The following ADAMTS16 variants were observed in gnomAD, a reference collection of about 807,000 sequenced individuals.
The protein encoded by ADAMTS16 is A disintegrin and metalloproteinase with thrombospondin motifs 16.
A neutral mutation model predicts 145.8 loss-of-function variants in ADAMTS16; 94 were observed. The ratio of observed to expected loss-of-function variants is 0.64; its 90% CI spans 0.55 to 0.77. The LOEUF (loss-of-function observed/expected upper bound fraction) is 0.77. ADAMTS16 is among the 30% of genes least tolerant of loss of function. ADAMTS16 has a pLI of 0.00. For missense variants in ADAMTS16, 1,585 were observed against 1,591.5 expected, an observed-to-expected ratio of 1.00 and a Z score of 0.07; for synonymous variants, 659 against 604.3, an observed-to-expected ratio of 1.09 and a Z score of -1.33.
chr5:5,212,813 C>T (rs1736314872), intron 10 of ADAMTS16, among the ~76,000 whole-genome samples: 1 of 152,168 alleles, frequency 6.6e-6, no homozygotes, highest in South Asian at 2.1e-4. Context: ...TTTCAATCTA[C>T]TGTTTTACTA....
intron 3 of ADAMTS16, among the ~76,000 whole-genome samples, chr5:5,152,169 G>T (rs952469654): frequency 6.6e-5 from 10 of 152,326 alleles, no homozygotes; most frequent in Middle Eastern, 3.4e-3. Context: ...TCAGGCCCTG[G>T]AGGCAAGCTC....
intron 17 of ADAMTS16, among the ~76,000 whole-genome samples, chr5:5,255,387 G>GA (rs1229841264): frequency 1.3e-5 from 2 of 152,244 alleles, no homozygotes; most frequent in Non-Finnish European, 2.9e-5. Context: ...TAGAGAGATT[G>GA]AAAGAGTAAA....
chr5:5,274,123 C>T (rs116198642), intron 18 of ADAMTS16, among the ~76,000 whole-genome samples: 72 of 152,178 alleles, frequency 4.7e-4, no homozygotes, highest in Middle Eastern at 6.8e-3. Flanking sequence ...TTTCCTAGGC[C>T]CACACTCGTC....
chr5:5,140,688 G>C lies in ADAMTS16; in HGVS notation c.97G>C (p.Ala33Pro). 6.4e-7 allele frequency: 1 copy of C among 1,561,132 alleles called. No individual in the cohort carries two copies. The highest frequency in any genetic ancestry group is 1.2e-5 in the South Asian group (1 of 85,360). The change falls in exon 2 of 23, where the codon GCA becomes CCA. Residue 33 changes from alanine to proline, a missense_variant. Coordinates refer to ENST00000274181, the MANE Select transcript of ADAMTS16 (RefSeq NM_139056.4). Reference protein sequence around the residue: ...EQAPACAMGPAAAAPGSPSVP... With the variant: ...EQAPACAMGPPAAAPGSPSVP... ...GGCACCTGCGTGCGCCATGGGACCC[G>C]CAGCGGCAGCGCCTGGGAGCCCGAG...
intron 11 of ADAMTS16, 143 bp from the exon 12 acceptor site, chr5:5,232,225 T>C: frequency 1.3e-6 from 1 of 790,190 alleles, no homozygotes; most frequent in Non-Finnish European, 1.9e-6. Context: ...GTATTTATAT[T>C]AGGTGCTGCT....
intron 3 of ADAMTS16, among the ~76,000 whole-genome samples, chr5:5,177,308 G>A (rs904309417): frequency 5.3e-5 from 8 of 152,182 alleles, no homozygotes; most frequent in Admixed American, 2.6e-4. Context: ...GTGACCAGGG[G>A]ACAAGTTTAG....
chr5:5,239,040 G>T, intron 14 of ADAMTS16, 111 bp from the exon 15 acceptor site: 1 of 1,216,844 alleles, frequency 8.2e-7, no homozygotes, highest in Non-Finnish European at 1.1e-6. Flanking sequence ...ACCCTATGTT[G>T]GTGAAATTTT....
At chr5:5,177,458 G>T (rs1735231147) in intron 3 of ADAMTS16, among the ~76,000 whole-genome samples, 1 of 152,180 alleles carries the variant, frequency 6.6e-6, no homozygotes, top group Non-Finnish European at 1.5e-5. Flanking sequence ...GTCAGGTGTA[G>T]TGGAGAGAGG....
chr5:5,237,146 G>T, intron 14 of ADAMTS16, 47 bp downstream of exon 14: 1 of 1,591,900 alleles, frequency 6.3e-7, no homozygotes, highest in South Asian at 1.1e-5. Flanking sequence ...CGGACAGTCT[G>T]CTTTGTGTCA....
chr5:5,187,648 T>G, intron 5 of ADAMTS16, 77 bp from the exon 6 acceptor site: 1 of 923,732 alleles, frequency 1.1e-6, no homozygotes, highest in Non-Finnish European at 1.8e-6. Context: ...AACAAGGGCG[T>G]TGGATTCTAG....
intron 18 of ADAMTS16, among the ~76,000 whole-genome samples, chr5:5,266,184 C>T (rs1484905752): frequency 1.3e-5 from 2 of 152,120 alleles, no homozygotes; most frequent in African/African-American, 2.4e-5. Flanking sequence ...GCAGTCTAGT[C>T]AGCCCTGGTC....
intron 11 of ADAMTS16, among the ~76,000 whole-genome samples, chr5:5,225,405 C>A (rs1406218717): frequency 6.6e-6 from 1 of 152,148 alleles, no homozygotes; most frequent in Non-Finnish European, 1.5e-5. Context: ...GAGATCGAGA[C>A]CATCCTGGCC....
intron 3 of ADAMTS16, among the ~76,000 whole-genome samples, chr5:5,164,334 ACT>A (rs901999210): frequency 1.3e-4 from 20 of 152,038 alleles, no homozygotes; most frequent in African/African-American, 4.8e-4. Flanking sequence ...GGAAACAAAG[ACT>A]CTTGTCCACA....
rs372733019 is a variant in ADAMTS16, at chr5:5,318,138, C to T, written c.3416C>T (p.Thr1139Met). The change falls in exon 22 of 23, where the codon ACG (threonine) becomes ATG (methionine). Residue 1139 changes from threonine to methionine, a missense_variant. By Grantham distance (81) the Thr-to-Met change is moderately conservative. Coordinates refer to ENST00000274181, the MANE Select transcript of ADAMTS16 (RefSeq NM_139056.4). The stretch of plus-strand genomic sequence containing the variant: ...ATGTGTGTGTTGCTCTCACAGTGCA[C>T]GGCCAGCTGTGGGGGAGGCGTTCAG... ...SWFASPWSQC[T>M]ASCGGGVQTR... 88 of 1,464,774 alleles carry T rather than the reference C, an allele frequency of 6.0e-5. No individual in the cohort carries two copies. Among genetic ancestry groups the T allele is most frequent in the Non-Finnish European group, 7.4e-5 (81 of 1,100,902 alleles). 90.7% of individuals were successfully genotyped at this position (1,464,774 alleles called of 1,614,324 possible).
At chr5:5,223,985 T>C (rs981833303) in intron 11 of ADAMTS16, among the ~76,000 whole-genome samples, 1 of 152,070 alleles carries the variant, frequency 6.6e-6, no homozygotes, top group Non-Finnish European at 1.5e-5. Context: ...TATCACATCT[T>C]ATACATATTC....
intron 17 of ADAMTS16, among the ~76,000 whole-genome samples, chr5:5,256,156 C>G (rs148538202): frequency 8.2e-4 from 125 of 152,268 alleles, no homozygotes; most frequent in African/African-American, 2.9e-3. Context: ...CATCAGCATT[C>G]TCAACTGAAG....
At chr5:5,209,775 A>G (rs1200308221) in intron 10 of ADAMTS16, among the ~76,000 whole-genome samples, 1 of 152,206 alleles carries the variant, frequency 6.6e-6, no homozygotes, top group Non-Finnish European at 1.5e-5. Context: ...CTCATGTAAC[A>G]CAGAGACATA....
At chr5:5,207,926 C>A (rs969490791) in intron 9 of ADAMTS16, among the ~76,000 whole-genome samples, 3 of 152,052 alleles carry the variant, frequency 2.0e-5, no homozygotes, top group African/African-American at 7.2e-5. Flanking sequence ...ATCCAATTTG[C>A]TAACATTTTG....
chr5:5,286,843 G>A (rs549573035), intron 18 of ADAMTS16, among the ~76,000 whole-genome samples: 1 of 114,500 alleles, frequency 8.7e-6, no homozygotes, highest in South Asian at 3.1e-4. Context: ...GGGCGATGGA[G>A]CAAGACTCCG....
Sources: allele counts gnomAD v4.1 joint callset (sites outside exome capture counted in the v4.1 genomes callset), GRCh38; gene constraint gnomAD v4.1.1; transcripts MANE v1.5; gene names NCBI Gene and HGNC (gene_info 2026-07-23, HGNC 2026-07-21).